Variants in ADARB2 observed in about 807,000 individuals in gnomAD.
The protein encoded by ADARB2 is inactive double-stranded RNA-specific editase B2.
Under a neutral mutation model 62.2 loss-of-function variants are expected in ADARB2, and 25 were observed. The observed-to-expected ratio is 0.40, with a 90% CI of 0.29 to 0.56. The LOEUF is 0.56. Among genes scored for constraint, ADARB2 ranks in the 20% least tolerant of loss-of-function variants. The probability of loss-of-function intolerance (pLI) is 0.43; values close to 1 mark genes in which losing one functional copy is unlikely to be tolerated. For missense variants in ADARB2, 1,071 were observed against 1,077.4 expected (o/e 0.99, Z 0.08); for synonymous variants, 572 against 500.8 (o/e 1.14, Z -1.90).
At chr10:1,249,010 G>A (rs975906517) in intron 4 of ADARB2, among the ~76,000 whole-genome samples, 3 of 152,146 alleles carry the variant, frequency 2.0e-5, no homozygotes, top group Non-Finnish European at 2.9e-5. Flanking sequence ...CCATACTGAC[G>A]TAGCCTGCAC....
intron 3 of ADARB2, among the ~76,000 whole-genome samples, chr10:1,331,505 T>C (rs540734487): frequency 7.2e-5 from 11 of 152,310 alleles, no homozygotes; most frequent in East Asian, 3.9e-4. Context: ...TGCTCACTTA[T>C]GTGTGATTCT....
intron 1 of ADARB2, among the ~76,000 whole-genome samples, chr10:1,687,753 G>A (rs1038697315): frequency 6.6e-6 from 1 of 152,102 alleles, no homozygotes; most frequent in Admixed American, 6.5e-5. Context: ...TTGTGATGAG[G>A]ATTCAGGGCC....
intron 7 of ADARB2, among the ~76,000 whole-genome samples, chr10:1,211,926 A>G (rs1262329523): frequency 6.6e-6 from 1 of 152,244 alleles, no homozygotes; most frequent in Admixed American, 6.5e-5. Context: ...ATAATGACTT[A>G]TTTGACAACC....
chr10:1,304,310 A>C (rs1224165268), intron 3 of ADARB2, among the ~76,000 whole-genome samples: 1 of 151,128 alleles, frequency 6.6e-6, no homozygotes, highest in Non-Finnish European at 1.5e-5. Flanking sequence ...GGATCAATTC[A>C]ACAAGAAGAG....
At chr10:1,533,886 G>A (rs570858440) in intron 1 of ADARB2, among the ~76,000 whole-genome samples, 1 of 152,014 alleles carries the variant, frequency 6.6e-6, no homozygotes, top group African/African-American at 2.4e-5. Context: ...CACCACACAC[G>A]CATTCCTAGA....
At chr10:1,267,744 C>T (rs1215185669) in intron 4 of ADARB2, among the ~76,000 whole-genome samples, 4 of 152,218 alleles carry the variant, frequency 2.6e-5, no homozygotes, top group Admixed American at 6.5e-5. Flanking sequence ...GGGGTGGAGG[C>T]GGAGCCTCTG....
At chr10:1,262,940 A>G (rs1831156684) in intron 4 of ADARB2, among the ~76,000 whole-genome samples, 1 of 152,126 alleles carries the variant, frequency 6.6e-6, no homozygotes. Flanking sequence ...ACCATGGAAT[A>G]CTATGCAGCC....
chr10:1,659,248 C>T (rs944275354), intron 1 of ADARB2, among the ~76,000 whole-genome samples: 1 of 152,168 alleles, frequency 6.6e-6, no homozygotes, highest in Non-Finnish European at 1.5e-5. Flanking sequence ...TGTAAATCTG[C>T]ATTACAATGA....
At chr10:1,531,536 CA>C (rs1264503701) in intron 1 of ADARB2, among the ~76,000 whole-genome samples, 2 of 152,192 alleles carry the variant, frequency 1.3e-5, no homozygotes, top group Non-Finnish European at 2.9e-5. Flanking sequence ...TTGTTACAGC[CA>C]CACAGTAATA....
chr10:1,532,982 T>A (rs1832269383), intron 1 of ADARB2, among the ~76,000 whole-genome samples: 1 of 152,136 alleles, frequency 6.6e-6, no homozygotes, highest in African/African-American at 2.4e-5. Context: ...AGGAACCGCA[T>A]CCTGTGTGTT....
At chr10:1,634,413 C>T (rs1173162873) in intron 1 of ADARB2, among the ~76,000 whole-genome samples, 2 of 152,178 alleles carry the variant, frequency 1.3e-5, no homozygotes, top group Non-Finnish European at 2.9e-5. Flanking sequence ...CTCAACGCTG[C>T]TCCTTGGAAA....
intron 1 of ADARB2, among the ~76,000 whole-genome samples, chr10:1,589,325 A>G (rs954712359): frequency 6.6e-6 from 1 of 152,132 alleles, no homozygotes; most frequent in African/African-American, 2.4e-5. Flanking sequence ...CAGGGCATCC[A>G]TGGTCGGGGC....
chr10:1,548,075 A>T (rs1418234070), intron 1 of ADARB2, among the ~76,000 whole-genome samples: 1 of 152,080 alleles, frequency 6.6e-6, no homozygotes, highest in Non-Finnish European at 1.5e-5. Flanking sequence ...GTGGTCTGTC[A>T]CACAGACACT....
chr10:1,544,736 T>G (rs993463212), intron 1 of ADARB2, among the ~76,000 whole-genome samples: 1 of 152,116 alleles, frequency 6.6e-6, no homozygotes, highest in African/African-American at 2.4e-5. Flanking sequence ...GTACACATAA[T>G]AAAGTTTATA....
intron 3 of ADARB2, among the ~76,000 whole-genome samples, chr10:1,278,882 T>A (rs936732421): frequency 6.6e-6 from 1 of 152,218 alleles, no homozygotes; most frequent in African/African-American, 2.4e-5. Context: ...CGTTTTGCAT[T>A]TTCGTGGTCC....
chr10:1,438,754 T>C (rs1162312251), intron 1 of ADARB2, among the ~76,000 whole-genome samples: 174 of 138,084 alleles, frequency 1.3e-3, no homozygotes, highest in African/African-American at 3.7e-3. Flanking sequence ...TTCTTCACTA[T>C]GGGGCTCCTG....
chr10:1,415,052 GT>G (rs1832790756), intron 1 of ADARB2, among the ~76,000 whole-genome samples: 1 of 151,908 alleles, frequency 6.6e-6, no homozygotes. Context: ...ATTGGGGAAT[GT>G]TTGGGTGGAT....
At chr10:1,203,564 G>C (rs1398752453) in intron 7 of ADARB2, among the ~76,000 whole-genome samples, 2 of 152,174 alleles carry the variant, frequency 1.3e-5, no homozygotes, top group African/African-American at 4.8e-5. Flanking sequence ...CAGGCCTGCT[G>C]CTGGGATCAT....
intron 1 of ADARB2, among the ~76,000 whole-genome samples, chr10:1,436,881 C>G (rs1830840496): frequency 6.6e-6 from 1 of 152,138 alleles, no homozygotes; most frequent in Non-Finnish European, 1.5e-5. Flanking sequence ...ATATTGCTTA[C>G]TGTTTGGCAT....
Sources: gnomAD v4.1 joint callset for allele counts (sites outside exome capture counted in the v4.1 genomes callset) on GRCh38, gnomAD v4.1.1 for gene constraint, MANE v1.5 for transcripts, NCBI Gene and HGNC (gene_info 2026-07-23, HGNC 2026-07-21) for gene names.